Variants in PLEKHA1 observed in about 807,000 individuals in gnomAD.
PLEKHA1 encodes the protein pleckstrin homology domain-containing family A member 1.
A neutral mutation model predicts 52.0 loss-of-function variants in PLEKHA1; 34 were observed. The ratio of observed to expected loss-of-function variants is 0.65; its 90% CI spans 0.50 to 0.87. PLEKHA1 has a LOEUF of 0.87. Among genes scored for constraint, PLEKHA1 ranks in the 40% least tolerant of loss-of-function variants. The pLI is 0.00. For synonymous variants in PLEKHA1, 163 were observed against 170.7 expected (o/e 0.95, Z 0.35); for missense variants, 497 against 504.2 (o/e 0.99, Z 0.14).
chr10:122,396,082 G>GT (rs5788549), intron 2 of PLEKHA1, among the ~76,000 whole-genome samples: 72,512 of 151,724 alleles, frequency 0.48, 17,949 homozygotes, highest in East Asian at 0.62. Context: ...TTTGAATATT[G>GT]TTTTTCTCTC....
At chr10:122,420,609 C>T (rs1487026273) in intron 8 of PLEKHA1, 7 of 152,088 alleles carry the variant, frequency 4.6e-5, no homozygotes, top group Non-Finnish European at 4.4e-5. Context: ...AGTGCACAGC[C>T]GAAAAATTGG....
intron 8 of PLEKHA1, chr10:122,419,307 T>C (rs891892213): frequency 6.6e-6 from 1 of 152,224 alleles, no homozygotes; most frequent in African/African-American, 2.4e-5. Context: ...GGCCTGGCAC[T>C]TGATAGACAA....
intron 1 of PLEKHA1, among the ~76,000 whole-genome samples, chr10:122,392,791 T>C (rs2096794948): frequency 6.6e-6 from 1 of 152,232 alleles, no homozygotes; most frequent in Non-Finnish European, 1.5e-5. Flanking sequence ...CACTAAATTT[T>C]AACTTTTGTT....
chr10:122,430,509 T>C lies in PLEKHA1; in HGVS notation c.*571T>C, dbSNP rs762610396. On this transcript the variant is annotated 3_prime_UTR_variant, in exon 12 of 12. Transcript: ENST00000368990. ...GAGGTGACTTATTTTGCATAGAGGA[T>C]ATGGATAGACCAACAGTAAGGGTTG... is the stretch of plus-strand genomic sequence containing the variant. 1 of 153,160 alleles carries C rather than the reference T, an allele frequency of 6.5e-6. No individual in the cohort carries two copies. The highest frequency in any genetic ancestry group is 1.5e-5 in the Non-Finnish European group (1 of 68,478). The allele number at this position is 153,160 out of a possible 1,614,324, so 9.5% of individuals were successfully genotyped here.
intron 4 of PLEKHA1, among the ~76,000 whole-genome samples, chr10:122,402,256 T>G (rs961121505): frequency 1.3e-5 from 2 of 152,182 alleles, no homozygotes; most frequent in African/African-American, 2.4e-5. Flanking sequence ...CTAAGATTAG[T>G]CGTTCATTGG....
intron 10 of PLEKHA1, chr10:122,425,564 C>T (rs2097326555): frequency 6.6e-6 from 1 of 151,910 alleles, no homozygotes; most frequent in South Asian, 2.1e-4. Flanking sequence ...ACTAAAAATA[C>T]AAACATTAGC....
intron 4 of PLEKHA1, among the ~76,000 whole-genome samples, chr10:122,402,229 T>C (rs911257197): frequency 6.6e-6 from 1 of 152,206 alleles, no homozygotes; most frequent in Non-Finnish European, 1.5e-5. Flanking sequence ...ATGGGTGATT[T>C]TAGTTGGAAT....
chr10:122,384,608 CAAAAA>C (rs59343401), intron 1 of PLEKHA1, among the ~76,000 whole-genome samples: 2 of 118,984 alleles, frequency 1.7e-5, no homozygotes, highest in Admixed American at 8.7e-5. Context: ...GACTCTGTCT[CAAAAA>C]AAAAAAAAAA....
Position 122,397,932 on chromosome 10 carries a change from A to T in PLEKHA1, c.156A>T (p.Gly52=). The T allele has an allele frequency of 6.2e-7, 1 of 1,607,332 alleles. No homozygotes were observed. The highest frequency in any genetic ancestry group is 8.5e-7 in the Non-Finnish European group (1 of 1,174,802). Reference sequence around the variant, plus strand: ...TTTGTTTCTAGAACCTACCTTCTGGATCATCACGTGTTGGAGCCATTAAGC... The same window carrying T: ...TTTGTTTCTAGAACCTACCTTCTGGTTCATCACGTGTTGGAGCCATTAAGC... The part of the protein sequence containing the change: ...YMDNPQNLPS[G]SSRVGAIKLT... Residue 52 remains glycine (G), a synonymous_variant, in exon 3 of 12, where the codon GGA becomes GGT. Transcript: ENST00000368990.
intron 8 of PLEKHA1, chr10:122,419,194 A>G (rs2097221486): frequency 6.6e-6 from 1 of 152,126 alleles, no homozygotes; most frequent in African/African-American, 2.4e-5. Flanking sequence ...TTGTATCATA[A>G]TGCTCTTCCC....
At chr10:122,425,064 T>C (rs2097318141) in intron 10 of PLEKHA1, 105 bp downstream of exon 10, 1 of 964,066 alleles carries the variant, frequency 1.0e-6, no homozygotes, top group Non-Finnish European at 1.5e-6. Context: ...GTTAAAAAAA[T>C]ATGACAACTG....
chr10:122,417,891 C>G lies in PLEKHA1; in HGVS notation c.613-9C>G, dbSNP rs373282276. 2.2e-4 allele frequency: 354 copies of G among 1,604,582 alleles called. 1 individual carries two copies. Among genetic ancestry groups the G allele is most frequent in the Middle Eastern group, 5.0e-4 (3 of 6,038 alleles). On this transcript the variant is annotated splice_polypyrimidine_tract_variant and intron_variant, in intron 7 of 11. Coordinates refer to ENST00000368990, the MANE Select transcript of PLEKHA1 (RefSeq NM_001001974.4). ...ACACAAGTCTTATGTCTGTGTTCAT[C>G]TCTGGTAGATGAAAAACTGGAAGAG...
intron 11 of PLEKHA1, 76 bp from the exon 12 acceptor site, chr10:122,429,548 A>G: frequency 7.6e-7 from 1 of 1,311,576 alleles, no homozygotes; most frequent in Non-Finnish European, 1.1e-6. Context: ...TGTTTTTCAG[A>G]GAATCAAGTC....
chr10:122,439,842 A>G, the PLEKHA1 span: 2 of 151,678 alleles, frequency 1.3e-5, no homozygotes, highest in Admixed American at 6.6e-5. Context: ...GCCATTGACA[A>G]CCTCCTCATT....
intron 10 of PLEKHA1, among the ~76,000 whole-genome samples, chr10:122,426,297 T>TC (rs2097338143): frequency 6.6e-6 from 1 of 152,112 alleles, no homozygotes; most frequent in African/African-American, 2.4e-5. Context: ...TGTATTTTTT[T>TC]TTTTTTTTAG....
At position 122,387,090 on chromosome 10, in the gene PLEKHA1, A is replaced by T. The variant is rs954704124; in HGVS notation, c.-20-6091A>T. On this transcript the variant is annotated intron_variant, in intron 1 of 11. Transcript: ENST00000368990. ...TCTTTCACTTGGTTCACATAGCTAT[A>T]GATTTATCAATTTGATCTTTTCAAG... 4 of 152,136 alleles carry T rather than the reference A, an allele frequency of 2.6e-5. No individual in the cohort carries two copies. In the South Asian group the frequency reaches 6.2e-4, roughly 24 times the overall value. The allele number at this position is 152,136 out of a possible 1,614,324, so 9.4% of individuals were successfully genotyped here.
At chr10:122,420,642 TA>T (rs2097247446) in intron 8 of PLEKHA1, 1 of 152,248 alleles carries the variant, frequency 6.6e-6, no homozygotes, top group Admixed American at 6.5e-5. Flanking sequence ...CAACATGTAT[TA>T]GAGATAAAAC....
At chr10:122,383,476 T>C (rs1456908507) in intron 1 of PLEKHA1, among the ~76,000 whole-genome samples, 2 of 124,676 alleles carry the variant, frequency 1.6e-5, no homozygotes, top group Non-Finnish European at 3.3e-5. Flanking sequence ...CACACCACCA[T>C]GCCTGGCTAA....
intron 6 of PLEKHA1, among the ~76,000 whole-genome samples, chr10:122,415,238 A>G (rs1274555715): frequency 6.6e-6 from 1 of 152,232 alleles, no homozygotes; most frequent in Non-Finnish European, 1.5e-5. Context: ...CATTTACATT[A>G]CATTTTCAAA....
Sources: gnomAD v4.1 joint callset for allele counts (sites outside exome capture counted in the v4.1 genomes callset) on GRCh38, gnomAD v4.1.1 for gene constraint, MANE v1.5 for transcripts, NCBI Gene and HGNC (gene_info 2026-07-23, HGNC 2026-07-21) for gene names.